Variants in UNC79 observed in about 807,000 individuals in gnomAD.
UNC79 encodes unc-79 subunit of NALCN channel complex.
Under a neutral mutation model 283.1 loss-of-function variants are expected in UNC79, and 37 were observed. The observed-to-expected ratio is 0.13, with a 90% CI of 0.10 to 0.17. The LOEUF (loss-of-function observed/expected upper bound fraction) is 0.17. UNC79 is among the 10% of genes least tolerant of loss of function. The pLI is 1.00. For synonymous variants in UNC79, 1,107 were observed against 1,200.2 expected, an observed-to-expected ratio of 0.92 and a Z score of 1.61; for missense variants, 2,272 against 3,211.1, an observed-to-expected ratio of 0.71 and a Z score of 7.07.
chr14:93,499,180 TAAGTA>T (rs1189560412), intron 7 of UNC79, among the ~76,000 whole-genome samples: 2 of 152,132 alleles, frequency 1.3e-5, no homozygotes, highest in East Asian at 3.8e-4. Flanking sequence ...AAGTAGATAG[TAAGTA>T]AATTTTTTAA....
At chr14:93,636,664 C>G (rs1448309660) in intron 31 of UNC79, among the ~76,000 whole-genome samples, 1 of 152,170 alleles carries the variant, frequency 6.6e-6, no homozygotes, top group African/African-American at 2.4e-5. Context: ...CCATGCATGG[C>G]GCCATGACTT....
chr14:93,698,549 G>A (rs1303089522), intron 47 of UNC79, among the ~76,000 whole-genome samples: 5 of 135,850 alleles, frequency 3.7e-5, no homozygotes, highest in Admixed American at 1.7e-4. Flanking sequence ...GCCGTGGTGC[G>A]ATCTTGGCTC....
intron 4 of UNC79, among the ~76,000 whole-genome samples, chr14:93,479,810 T>A (rs1221153013): frequency 6.6e-6 from 1 of 152,166 alleles, no homozygotes; most frequent in African/African-American, 2.4e-5. Context: ...TAAAAAAATT[T>A]TTTTGTAGAG....
chr14:93,461,022 A>T (rs1268781181), intron 1 of UNC79, among the ~76,000 whole-genome samples: 1 of 152,236 alleles, frequency 6.6e-6, no homozygotes, highest in African/African-American at 2.4e-5. Context: ...ATGATATAGA[A>T]GTGCATAGAA....
intron 1 of UNC79, among the ~76,000 whole-genome samples, chr14:93,385,070 C>G (rs2054741674): frequency 6.6e-6 from 1 of 152,288 alleles, no homozygotes; most frequent in Non-Finnish European, 1.5e-5. Context: ...TACCATGCCA[C>G]TTTGGTTACT....
At chr14:93,612,003 A>G (rs1000896680) in intron 26 of UNC79, among the ~76,000 whole-genome samples, 2 of 152,260 alleles carry the variant, frequency 1.3e-5, no homozygotes, top group African/African-American at 4.8e-5. Flanking sequence ...GAAAAATAAC[A>G]GAGAAAGTCA....
chr14:93,361,253 AAAAGAAG>A (rs2054220220), intron 1 of UNC79, among the ~76,000 whole-genome samples: 1 of 147,890 alleles, frequency 6.8e-6, no homozygotes, highest in African/African-American at 2.5e-5. Flanking sequence ...AAAAGAAAAG[AAAAGAAG>A]GAGGCACAAC....
intron 3 of UNC79, among the ~76,000 whole-genome samples, chr14:93,476,901 G>A (rs1317176755): frequency 1.3e-5 from 2 of 152,308 alleles, no homozygotes; most frequent in African/African-American, 4.8e-5. Context: ...TATGTGCTAT[G>A]CTAAGGACTT....
intron 41 of UNC79, among the ~76,000 whole-genome samples, chr14:93,676,709 A>G (rs780730763): frequency 6.6e-6 from 1 of 152,224 alleles, no homozygotes. Context: ...TGTAATAAGC[A>G]CTTGTCACAA....
chr14:93,666,301 C>T lies in UNC79; in HGVS notation c.6636+3587C>T, dbSNP rs546729888. Among the ~76,000 whole-genome samples the T allele has an allele frequency of 5.3e-5, 8 of 152,080 alleles. No individual in the cohort carries two copies. The East Asian group carries it at 9.7e-4, about 18-fold the overall frequency. Reference sequence around the variant, plus strand: ...CATAGAACAAGCTGTAATAAGCACACGTAGGATGACAGAATCACAATAAAT... The same window carrying T: ...CATAGAACAAGCTGTAATAAGCACATGTAGGATGACAGAATCACAATAAAT... On this transcript the variant is annotated intron_variant, in intron 40 of 48. Transcript: ENST00000555664.
intron 35 of UNC79, among the ~76,000 whole-genome samples, chr14:93,650,545 TC>T (rs2070136753): frequency 6.6e-6 from 1 of 152,168 alleles, no homozygotes; most frequent in Admixed American, 6.5e-5. Context: ...AACTTGCATT[TC>T]TCTATGACAT....
intron 5 of UNC79, among the ~76,000 whole-genome samples, chr14:93,494,234 A>T (rs1255812092): frequency 6.6e-6 from 1 of 152,100 alleles, no homozygotes; most frequent in African/African-American, 2.4e-5. Context: ...TGAGAACTCT[A>T]TCATGAGAAC....
At chr14:93,541,728 G>A (rs2061382011) in intron 13 of UNC79, among the ~76,000 whole-genome samples, 1 of 152,080 alleles carries the variant, frequency 6.6e-6, no homozygotes, top group Non-Finnish European at 1.5e-5. Flanking sequence ...TTTATGGGCC[G>A]GGAGCGGTGG....
chr14:93,615,612 C>T (rs146192214), intron 27 of UNC79, among the ~76,000 whole-genome samples: 1,671 of 148,164 alleles, frequency 0.011, 32 homozygotes, highest in African/African-American at 0.04. Context: ...GTCCCAGCTA[C>T]ATGGGAGACT....
intron 10 of UNC79, among the ~76,000 whole-genome samples, chr14:93,532,167 T>A (rs2060850399): frequency 6.6e-6 from 1 of 152,110 alleles, no homozygotes; most frequent in African/African-American, 2.4e-5. Context: ...CTGCCCTTAT[T>A]TTAAATGGGC....
chr14:93,456,309 A>T (rs999630583), intron 1 of UNC79, among the ~76,000 whole-genome samples: 8 of 152,184 alleles, frequency 5.3e-5, no homozygotes, highest in African/African-American at 1.7e-4. Flanking sequence ...TGTCTTTATT[A>T]GTGAGAAATT....
At chr14:93,614,857 A>T (rs1356131858) in intron 27 of UNC79, among the ~76,000 whole-genome samples, 1 of 152,108 alleles carries the variant, frequency 6.6e-6, no homozygotes, top group Admixed American at 6.5e-5. Flanking sequence ...TCACTACCCC[A>T]AACAGTTCAG....
At chr14:93,500,061 C>T (rs1378171757) in intron 7 of UNC79, among the ~76,000 whole-genome samples, 1 of 152,054 alleles carries the variant, frequency 6.6e-6, no homozygotes, top group Non-Finnish European at 1.5e-5. Context: ...ATCCTAACAG[C>T]AAAGGGACGC....
intron 1 of UNC79, among the ~76,000 whole-genome samples, chr14:93,446,390 T>C (rs985598005): frequency 6.6e-5 from 8 of 121,766 alleles, no homozygotes; most frequent in Admixed American, 4.0e-4. Context: ...TAGACATGTG[T>C]GTGGTTTTTT....
Sources: allele counts gnomAD v4.1 joint callset (sites outside exome capture counted in the v4.1 genomes callset), GRCh38; gene constraint gnomAD v4.1.1; transcripts MANE v1.5; gene names NCBI Gene and HGNC (gene_info 2026-07-23, HGNC 2026-07-21).